The following HMGB2 variants were observed in gnomAD, a reference collection of about 807,000 sequenced individuals.
HMGB2 encodes the protein high mobility group protein B2.
In HMGB2, 2 loss-of-function variants were observed where a neutral mutation model predicts 23.0. The observed-to-expected ratio is 0.09, with a 90% CI of 0.04 to 0.27. The LOEUF is 0.27. Ranked by LOEUF, HMGB2 falls within the 10% of genes least tolerant of loss-of-function variation. The pLI is 1.00. For missense variants in HMGB2, 178 were observed against 256.5 expected (o/e 0.69, Z 2.09); for synonymous variants, 99 against 87.5 (o/e 1.13, Z -0.73).
rs1191554174 is a variant in HMGB2, at chr4:173,332,248, T to C, written c.472-10A>G. The C allele has an allele frequency of 6.4e-7, 1 of 1,551,128 alleles. No homozygotes were observed. On this transcript the variant is annotated splice_polypyrimidine_tract_variant and intron_variant, in intron 4 of 4. Coordinates refer to ENST00000296503, the MANE Select transcript of HMGB2 (RefSeq NM_002129.4). ...GATATGCAGCAATATCCTGAAATAT[T>C]GTCAAAAAAATAAAGCATCCGGTAT...
At position 173,331,394 on chromosome 4, in the gene HMGB2, A is replaced by ATATATATG. The variant is rs33987506; in HGVS notation, c.*685_*686insCATATATA. On this transcript the variant is annotated 3_prime_UTR_variant, in exon 5 of 5. Transcript: ENST00000296503. ...TATATACATATATATATATATATAT[A>ATATATATG]TGTATATATATATACACACACCTGA... Among the ~76,000 whole-genome samples, 89 of 138,876 alleles carry ATATATATG rather than the reference A, an allele frequency of 6.4e-4. 1 individual carries two copies. The highest frequency in any genetic ancestry group is 2.5e-3 in the African/African-American group (86 of 34,404). The allele number at this position is 138,876 out of a possible 152,430, so 91.1% of individuals were successfully genotyped here.
chr4:173,331,942 AATCTT>A lies in HMGB2; in HGVS notation c.*133_*137del. ...TTTTAAAAGTATTTTCTCTACAGAG[AATCTT>A]ATCAGCTATACAAAAATCTGTACAG... On this transcript the variant is annotated 3_prime_UTR_variant, in exon 5 of 5. Transcript: ENST00000296503. The A allele has an allele frequency of 2.4e-6, 3 of 1,239,756 alleles. No homozygotes were observed. The highest frequency in any genetic ancestry group is 3.3e-6 in the Non-Finnish European group (3 of 901,690). The allele number at this position is 1,239,756 out of a possible 1,614,324, so 76.8% of individuals were successfully genotyped here.
At chr4:173,332,268 CG>C (rs1738121677) in intron 4 of HMGB2, 30 bp from the exon 5 acceptor site, 1 of 1,513,806 alleles carries the variant, frequency 6.6e-7, no homozygotes, top group Non-Finnish European at 8.9e-7. Context: ...ATAAAGCATC[CG>C]GTATCATTAC....
chr4:173,331,388 A>G lies in HMGB2; in HGVS notation c.*692T>C, dbSNP rs1738088197. ...TGTATATATATACATATATATATATATATATATGTATATATATATACACAC... is the reference window on the plus strand; with the variant it reads ...TGTATATATATACATATATATATATGTATATATGTATATATATATACACAC... On this transcript the variant is annotated 3_prime_UTR_variant, in exon 5 of 5. Transcript: ENST00000296503. Among the ~76,000 whole-genome samples, 4 of 140,876 alleles carry G rather than the reference A, an allele frequency of 2.8e-5. No individual in the cohort carries two copies. The highest frequency in any genetic ancestry group is 1.1e-4 in the African/African-American group (4 of 35,130). The allele number at this position is 140,876 out of a possible 152,430, so 92.4% of individuals were successfully genotyped here. A position where few individuals can be genotyped will look rare whatever the true frequency, so the allele number is the denominator to read the frequency against.
In HMGB2 at chr4:173,331,394, A is replaced by G. The variant is rs6853427; in HGVS notation, c.*686T>C. 0.053 allele frequency among the ~76,000 whole-genome samples: 7,354 copies of G among 138,708 alleles called. 335 individuals are homozygous for G. The highest frequency in any genetic ancestry group is 0.12 in the African/African-American group (3,998 of 34,276). 91.0% of individuals were successfully genotyped at this position (138,708 alleles called of 152,430 possible). ...TATATACATATATATATATATATAT[A>G]TGTATATATATATACACACACCTGA... On this transcript the variant is annotated 3_prime_UTR_variant, in exon 5 of 5. Transcript: ENST00000296503.
Position 173,331,504 on chromosome 4 carries a change from A to T in HMGB2, c.*576T>A, listed in dbSNP as rs1193807028. Among the ~76,000 whole-genome samples the T allele has an allele frequency of 6.6e-6, 1 of 151,222 alleles. No individual in the cohort carries two copies. The highest frequency in any genetic ancestry group is 1.5e-5 in the Non-Finnish European group (1 of 67,832). On this transcript the variant is annotated 3_prime_UTR_variant, in exon 5 of 5. Coordinates refer to ENST00000296503, the MANE Select transcript of HMGB2 (RefSeq NM_002129.4). ...GCATAAATTCTTATAAAGTTCACTGAGTTCAACATGTAACTTTTAAAGAAC... is the reference window on the plus strand; with the variant it reads ...GCATAAATTCTTATAAAGTTCACTGTGTTCAACATGTAACTTTTAAAGAAC...
Position 173,332,089 on chromosome 4 carries a change from A to C in HMGB2, c.621T>G (p.Asp207Glu). 1 of 1,613,414 alleles carries C rather than the reference A, an allele frequency of 6.2e-7. No homozygotes were observed. The highest frequency in any genetic ancestry group is 8.5e-7 in the Non-Finnish European group (1 of 1,179,366). ...EDEDEEEEDE[D>E]EE ...ATTAAAGGATAGCCATTTATTCTTC[A>C]TCTTCATCCTCTTCCTCCTCATCTT... The change falls in exon 5 of 5, where the codon GAT becomes GAG. Residue 207 changes from aspartate (D) to glutamate (E), a missense_variant. This residue lies in a region of HMGB2 where 45 missense variants were observed against 38.8 expected (regional missense o/e 1.16). Transcript: ENST00000296503.
At position 173,333,013 on chromosome 4, in the gene HMGB2, A is replaced by C. The variant is rs777732304; in HGVS notation, c.297-18T>G. 2.3e-5 allele frequency: 37 copies of C among 1,612,976 alleles called. No homozygotes were observed. The highest frequency in any genetic ancestry group is 1.5e-5 in the Non-Finnish European group (18 of 1,179,262). On this transcript the variant is annotated intron_variant, in intron 3 of 4. Transcript: ENST00000296503. The surrounding 1 kb of genome is among the most constrained non-coding windows in gnomAD (Gnocchi z 4.6). ...AGGCAGATCTGAAAGGAAGCAACAG[A>C]GTTTAATAAACTGAAGGAAAAATCC...
In HMGB2 at chr4:173,333,322, C is replaced by T. The variant is rs1211824975; in HGVS notation, c.151-108G>A. 7.2e-7 allele frequency: 1 copy of T among 1,386,120 alleles called. No individual in the cohort carries two copies. Among genetic ancestry groups the T allele is most frequent in the African/African-American group, 1.5e-5 (1 of 68,792 alleles). The allele number at this position is 1,386,120 out of a possible 1,614,324, so 85.9% of individuals were successfully genotyped here. A position where few individuals can be genotyped will look rare whatever the true frequency, so the allele number is the denominator to read the frequency against. On this transcript the variant is annotated intron_variant, in intron 2 of 4. Coordinates refer to ENST00000296503, the MANE Select transcript of HMGB2 (RefSeq NM_002129.4). The surrounding 1 kb of genome is among the most constrained non-coding windows in gnomAD (Gnocchi z 4.6). ...CCACATTTTCCTTAACAGCATTTTG[C>T]TTTCGAAGTCTTATATAAGTAAAAA...
At chr4:173,332,797 G>T in intron 4 of HMGB2, 24 bp downstream of exon 4, 1 of 1,596,754 alleles carries the variant, frequency 6.3e-7, no homozygotes, top group African/African-American at 1.4e-5. Context: ...CTTATCCACG[G>T]CTTTAAAAAA....
rs1738167189 is a variant in HMGB2, at chr4:173,333,680, C to T, written c.-20-11G>A. Reference sequence around the variant, plus strand: ...CAGATCCGCGTCCACCTGACGGGGCCGAGGGGGGAGAGGGGAAGCCGGAGG... The same window carrying T: ...CAGATCCGCGTCCACCTGACGGGGCTGAGGGGGGAGAGGGGAAGCCGGAGG... On this transcript the variant is annotated splice_polypyrimidine_tract_variant and intron_variant, in intron 1 of 4. Coordinates refer to ENST00000296503, the MANE Select transcript of HMGB2 (RefSeq NM_002129.4). This position sits in a 1 kb window ranked among gnomAD's most constrained non-coding sequence, Gnocchi z 4.6. 2 of 1,577,726 alleles carry T rather than the reference C, an allele frequency of 1.3e-6. No homozygotes were observed. Among genetic ancestry groups the T allele is most frequent in the Non-Finnish European group, 1.7e-6 (2 of 1,158,612 alleles).
At position 173,333,061 on chromosome 4, in the gene HMGB2, A is replaced by G. The variant is rs1338106536; in HGVS notation, c.296+8T>C. 11 of 1,613,020 alleles carry G rather than the reference A, an allele frequency of 6.8e-6. No individual in the cohort carries two copies. The South Asian group carries it at 1.1e-4, about 16-fold the overall frequency. Reference sequence around the variant, plus strand: ...TCCAAGGAGCAATTTGGGTTATTTTAAACTTACGGTGGCCTTTTAGGAGCA... The same window carrying G: ...TCCAAGGAGCAATTTGGGTTATTTTGAACTTACGGTGGCCTTTTAGGAGCA... On this transcript the variant is annotated splice_region_variant and intron_variant, in intron 3 of 4. Transcript: ENST00000296503. The surrounding 1 kb of genome is among the most constrained non-coding windows in gnomAD (Gnocchi z 4.6).
At position 173,333,384 on chromosome 4, in the gene HMGB2, G is replaced by A; in HGVS notation, c.150+116C>T. 1 of 1,403,526 alleles carries A rather than the reference G, an allele frequency of 7.1e-7. No homozygotes were observed. Among genetic ancestry groups the A allele is most frequent in the Non-Finnish European group, 9.7e-7 (1 of 1,030,276 alleles). The allele number at this position is 1,403,526 out of a possible 1,614,324, so 86.9% of individuals were successfully genotyped here. ...CTGCCTGGAACTCTTAAGATATTCA[G>A]GTGAGTCACTGGGGTGGCAAAGTTG... On this transcript the variant is annotated intron_variant, in intron 2 of 4. Transcript: ENST00000296503. The surrounding 1 kb of genome is among the most constrained non-coding windows in gnomAD (Gnocchi z 4.6).
chr4:173,332,147 T>A lies in HMGB2; in HGVS notation c.563A>T (p.Glu188Val). 6.2e-7 allele frequency: 1 copy of A among 1,613,536 alleles called. No homozygotes were observed. Among genetic ancestry groups the A allele is most frequent in the South Asian group, 1.1e-5 (1 of 91,072 alleles). Residue 188 changes from glutamate to valine, a missense_variant, in exon 5 of 5, where the codon GAA becomes GTA. This residue lies in a region of HMGB2 where 45 missense variants were observed against 38.8 expected (regional missense o/e 1.16). Transcript: ENST00000296503. ...PTGSKKKNEP[E>V]DEEEEEEEED... ...TTCTTCCTCCTCCTCCTCCTCATCTTCTGGTTCGTTCTTCTTCTTTGAGCC... is the reference window on the plus strand; with the variant it reads ...TTCTTCCTCCTCCTCCTCCTCATCTACTGGTTCGTTCTTCTTCTTTGAGCC...
rs950091026 is a variant in HMGB2 at position 173,333,883 on chromosome 4, G to C, written c.-20-214C>G. Among the ~76,000 whole-genome samples, 1 of 147,080 alleles carries C rather than the reference G, an allele frequency of 6.8e-6. No homozygotes were observed. On this transcript the variant is annotated intron_variant, in intron 1 of 4. Transcript: ENST00000296503. The surrounding 1 kb of genome is among the most constrained non-coding windows in gnomAD (Gnocchi z 4.6). ...CTCCTCCTCCTCCTCCTCCCGGCCC[G>C]AGCGGCCGCGGCTCAGCCCAGCAAG... is the stretch of plus-strand genomic sequence containing the variant.
At position 173,332,784 on chromosome 4, in the gene HMGB2, AGTCTTATCCACGGCTTTAAAAAAGAT is replaced by A. The variant is rs561426937; in HGVS notation, c.471+11_471+36del. On this transcript the variant is annotated intron_variant, in intron 4 of 4. Transcript: ENST00000296503. ...TTTTCTACAGTTATTACCTATACCT[AGTCTTATCCACGGCTTTAAAAAAGAT>A]GACACTGTACCTTTTCATATTTCTC... is the stretch of plus-strand genomic sequence containing the variant. 2.0e-3 allele frequency: 3,118 copies of A among 1,564,856 alleles called. 54 individuals are homozygous for A. In the African/African-American group the frequency reaches 0.036, roughly 18 times the overall value.
At position 173,332,161 on chromosome 4, in the gene HMGB2, C is replaced by T. The variant is rs1376126330; in HGVS notation, c.549G>A (p.Lys183=). The T allele has an allele frequency of 3.1e-6, 5 of 1,613,634 alleles. No homozygotes were observed. Among genetic ancestry groups the T allele is most frequent in the Non-Finnish European group, 3.4e-6 (4 of 1,179,754 alleles). ...CCTCCTCATCTTCTGGTTCGTTCTT[C>T]TTCTTTGAGCCTGTTGGCCTGCCAG... ...KGPGRPTGSK[K]KNEPEDEEEE... is the part of the protein sequence containing the mutation. Residue 183 remains lysine (K), a synonymous_variant, in exon 5 of 5, where the codon AAG becomes AAA. Coordinates refer to ENST00000296503, the MANE Select transcript of HMGB2 (RefSeq NM_002129.4).
rs1738116729 is a variant in HMGB2, at chr4:173,332,148, C to G, written c.562G>C (p.Glu188Gln). Residue 188 changes from glutamate (E) to glutamine (Q), a missense_variant, in exon 5 of 5, where the codon GAA (glutamate) becomes CAA (glutamine). Glu to Gln is a conservative substitution (Grantham distance 29, BLOSUM62 2). Transcript: ENST00000296503. ...TCTTCCTCCTCCTCCTCCTCATCTTCTGGTTCGTTCTTCTTCTTTGAGCCT... is the reference window on the plus strand; with the variant it reads ...TCTTCCTCCTCCTCCTCCTCATCTTGTGGTTCGTTCTTCTTCTTTGAGCCT... ...PTGSKKKNEPEDEEEEEEEED... is the reference protein window; with the variant it reads ...PTGSKKKNEPQDEEEEEEEED... 3 of 1,613,516 alleles carry G rather than the reference C, an allele frequency of 1.9e-6. No homozygotes were observed. In the East Asian group the frequency reaches 6.7e-5, roughly 36 times the overall value.
At position 173,334,316 on chromosome 4, in the gene HMGB2, A is replaced by G. The variant is rs1338708188; in HGVS notation, c.-65T>C. ...AGAGTCCCGCAGAGCGGCCGGACCC[A>G]ACGGAGACGCTTCCCTCACGGGGCT... On this transcript the variant is annotated 5_prime_UTR_variant, in exon 1 of 5. Coordinates refer to ENST00000296503, the MANE Select transcript of HMGB2 (RefSeq NM_002129.4). The G allele has an allele frequency of 6.6e-6, 1 of 152,498 alleles. No homozygotes were observed. Among genetic ancestry groups the G allele is most frequent in the East Asian group, 1.9e-4 (1 of 5,176 alleles). The allele number at this position is 152,498 out of a possible 1,614,324, so 9.4% of individuals were successfully genotyped here. A position where few individuals can be genotyped will look rare whatever the true frequency, so the allele number is the denominator to read the frequency against.
Sources: allele counts gnomAD v4.1 joint callset (sites outside exome capture counted in the v4.1 genomes callset), GRCh38; gene constraint gnomAD v4.1.1; regional missense constraint gnomAD v4.1.1; non-coding constraint Gnocchi (gnomAD v3.1); transcripts MANE v1.5; gene names NCBI Gene and HGNC (gene_info 2026-07-23, HGNC 2026-07-21).